The following CSMD1 variants were observed in gnomAD, a reference collection of about 807,000 sequenced individuals.
The protein encoded by CSMD1 is CUB and Sushi multiple domains 1.
CSMD1 carries 213 observed loss-of-function variants against 417.5 expected under a neutral mutation model. The observed-to-expected ratio is 0.51, with a 90% confidence interval of 0.46 to 0.57. CSMD1 has a LOEUF of 0.57. Ranked by LOEUF, CSMD1 falls within the 20% of genes least tolerant of loss-of-function variation. CSMD1 has a pLI of 0.00. For synonymous variants in CSMD1, 2,862 were observed against 1,736.8 expected (o/e 1.65, Z -16.11); for missense variants, 6,923 against 4,529.7 (o/e 1.53, Z -15.17).
chr8:4,148,115 G>T (rs1796364303), intron 3 of CSMD1, among the ~76,000 whole-genome samples: 1 of 152,118 alleles, frequency 6.6e-6, no homozygotes, highest in Admixed American at 6.5e-5. Flanking sequence ...CATCTTTGAT[G>T]CGCGTGACAT....
intron 25 of CSMD1, among the ~76,000 whole-genome samples, chr8:3,297,343 G>A (rs904755442): frequency 1.3e-5 from 2 of 152,128 alleles, no homozygotes; most frequent in African/African-American, 4.8e-5. Flanking sequence ...TCATATGGAA[G>A]TGCAGAAGGC....
intron 3 of CSMD1, among the ~76,000 whole-genome samples, chr8:4,154,339 A>C (rs1255053976): frequency 6.6e-6 from 1 of 152,236 alleles, no homozygotes. Context: ...GTAGTCCAGG[A>C]GTATTCAGTC....
At chr8:3,508,369 AG>A (rs1379273819) in intron 10 of CSMD1, among the ~76,000 whole-genome samples, 1 of 124,744 alleles carries the variant, frequency 8.0e-6, no homozygotes, top group African/African-American at 3.0e-5. Context: ...GGGCAGGGGG[AG>A]GGGGGAGGGA....
At chr8:3,488,846 A>C (rs1159561034) in intron 11 of CSMD1, among the ~76,000 whole-genome samples, 1 of 152,214 alleles carries the variant, frequency 6.6e-6, no homozygotes, top group African/African-American at 2.4e-5. Flanking sequence ...ATACAGAAAA[A>C]TAATTGGGAT....
chr8:3,705,196 T>C (rs1427209127), intron 7 of CSMD1, among the ~76,000 whole-genome samples: 1 of 152,198 alleles, frequency 6.6e-6, no homozygotes, highest in Non-Finnish European at 1.5e-5. Context: ...CTGTGGCTGC[T>C]TTCTGCACTG....
chr8:4,826,795 G>T (rs1053584813), intron 1 of CSMD1, among the ~76,000 whole-genome samples: 21 of 152,092 alleles, frequency 1.4e-4, no homozygotes, highest in African/African-American at 4.8e-4. Flanking sequence ...GGAAGTACAG[G>T]CTTAATGTAC....
intron 3 of CSMD1, among the ~76,000 whole-genome samples, chr8:4,337,588 T>C (rs1800241531): frequency 6.6e-6 from 1 of 152,142 alleles, no homozygotes; most frequent in South Asian, 2.1e-4. Flanking sequence ...TTCTTCAAAC[T>C]CAAAATTCTG....
chr8:3,752,687 A>AC (rs990946303), intron 6 of CSMD1, among the ~76,000 whole-genome samples: 13 of 66,238 alleles, frequency 2.0e-4, no homozygotes, highest in African/African-American at 4.4e-4. Flanking sequence ...AAAAAAAAAA[A>AC]AAAAAAAAAA....
intron 10 of CSMD1, among the ~76,000 whole-genome samples, chr8:3,524,063 GCA>G (rs537597707): frequency 3.3e-3 from 389 of 116,584 alleles, no homozygotes; most frequent in African/African-American, 0.011. Context: ...GCACACACAT[GCA>G]CACACTTACA....
intron 3 of CSMD1, among the ~76,000 whole-genome samples, chr8:4,072,946 G>C (rs769960067): frequency 6.6e-6 from 1 of 152,226 alleles, no homozygotes; most frequent in Non-Finnish European, 1.5e-5. Flanking sequence ...TCTTTCAAAA[G>C]TTTTTAAAAT....
chr8:4,770,922 A>C (rs1053745384), intron 1 of CSMD1, among the ~76,000 whole-genome samples: 2 of 152,176 alleles, frequency 1.3e-5, no homozygotes, highest in African/African-American at 4.8e-5. Flanking sequence ...ATCACACCAA[A>C]AATTCAGGCT....
At chr8:3,868,376 G>T (rs147168326) in intron 5 of CSMD1, among the ~76,000 whole-genome samples, 1 of 152,160 alleles carries the variant, frequency 6.6e-6, no homozygotes, top group African/African-American at 2.4e-5. Flanking sequence ...AGTGCCATCT[G>T]CAGGCCACAG....
At chr8:4,048,607 A>G (rs1372305176) in intron 3 of CSMD1, among the ~76,000 whole-genome samples, 1 of 152,230 alleles carries the variant, frequency 6.6e-6, no homozygotes, top group African/African-American at 2.4e-5. Context: ...CAAACAGCAC[A>G]CACCAAACAG....
chr8:4,808,754 T>A (rs1798726781), intron 1 of CSMD1, among the ~76,000 whole-genome samples: 1 of 152,216 alleles, frequency 6.6e-6, no homozygotes, highest in South Asian at 2.1e-4. Context: ...CATTAAAACA[T>A]AAACTTATTT....
At chr8:4,617,413 T>A (rs1357202627) in intron 2 of CSMD1, among the ~76,000 whole-genome samples, 1 of 152,168 alleles carries the variant, frequency 6.6e-6, no homozygotes, top group African/African-American at 2.4e-5. Context: ...ATTCCATATT[T>A]TAAATATGCA....
intron 2 of CSMD1, among the ~76,000 whole-genome samples, chr8:4,560,574 T>G (rs1223154354): frequency 2.0e-5 from 3 of 152,228 alleles, no homozygotes; most frequent in Non-Finnish European, 4.4e-5. Context: ...TAAAACACTG[T>G]GCTGGAGCGG....
chr8:4,514,558 C>A (rs545857664), intron 2 of CSMD1, among the ~76,000 whole-genome samples: 21 of 152,310 alleles, frequency 1.4e-4, no homozygotes, highest in Non-Finnish European at 2.6e-4. Flanking sequence ...CTAATTCCAA[C>A]TCAAAACTTA....
intron 3 of CSMD1, among the ~76,000 whole-genome samples, chr8:4,405,574 T>C (rs1354218134): frequency 1.3e-5 from 2 of 152,124 alleles, no homozygotes; most frequent in Admixed American, 6.5e-5. Flanking sequence ...AGAAATACAC[T>C]ATACAAAACG....
At chr8:3,886,705 A>T (rs1806587188) in intron 5 of CSMD1, among the ~76,000 whole-genome samples, 1 of 152,196 alleles carries the variant, frequency 6.6e-6, no homozygotes. Flanking sequence ...ACACTTATGG[A>T]AGTCTTAATC....
Sources: allele counts gnomAD v4.1 joint callset (sites outside exome capture counted in the v4.1 genomes callset), GRCh38; gene constraint gnomAD v4.1.1; transcripts MANE v1.5; gene names NCBI Gene and HGNC (gene_info 2026-07-23, HGNC 2026-07-21).